The following CHST15 variants were observed in gnomAD, a reference collection of about 807,000 sequenced individuals.
CHST15 encodes the protein B cell RAG associated protein (GALNAC4S-6ST).
CHST15 carries 30 observed loss-of-function variants against 53.6 expected under a neutral mutation model. That is an observed-to-expected ratio of 0.56 (90% CI 0.42 to 0.76). The LOEUF (loss-of-function observed/expected upper bound fraction) is 0.76, where lower values mean the gene tolerates loss of function less well. CHST15 is among the 30% of genes least tolerant of loss of function. CHST15 has a pLI of 0.00. For missense variants in CHST15, 627 were observed against 740.5 expected (o/e 0.85, Z 1.78); for synonymous variants, 296 against 289.8 (o/e 1.02, Z -0.22).
At position 124,052,634 on chromosome 10, in the gene CHST15, G is replaced by C. The variant is rs557747959; in HGVS notation, c.-512-5910C>G. Reference sequence around the variant, plus strand: ...TTTGATCTTGAACAAGATATTAAACGTCTCTTCTCCCCATTTCTTTGGATA... The same window carrying C: ...TTTGATCTTGAACAAGATATTAAACCTCTCTTCTCCCCATTTCTTTGGATA... On this transcript the variant is annotated intron_variant, in intron 1 of 7. Coordinates refer to ENST00000435907, the MANE Select transcript of CHST15 (RefSeq NM_001270764.2). 4.6e-5 allele frequency among the ~76,000 whole-genome samples: 7 copies of C among 152,324 alleles called. No individual in the cohort carries two copies. The South Asian group carries it at 1.4e-3, about 32-fold the overall frequency.
At chr10:124,022,357 C>T (rs1217510868) in intron 5 of CHST15, among the ~76,000 whole-genome samples, 4 of 152,194 alleles carry the variant, frequency 2.6e-5, no homozygotes, top group Non-Finnish European at 1.5e-5. Flanking sequence ...GTCAGACGTC[C>T]CCTTTGCTTT....
rs530929779 is a variant in CHST15 at position 124,066,173 on chromosome 10, T to A, written c.-512-19449A>T. Among the ~76,000 whole-genome samples the A allele has an allele frequency of 1.6e-4, 24 of 152,188 alleles. No individual in the cohort carries two copies. In the South Asian group the frequency reaches 4.8e-3, roughly 30 times the overall value. ...TAATCAATTTGAGAGATTCACTGGG[T>A]TTTATGGGAGGACTAGATTTGGGGG... On this transcript the variant is annotated intron_variant, in intron 1 of 7. Transcript: ENST00000435907.
rs1040083709 is a variant in CHST15, at chr10:124,072,025, C to A, written c.-513+21444G>T. ...TTCCTCCATTCCTCTCCTTACCCAG[C>A]CTCTCATCAAAAGGGTCTGGGAAGT... On this transcript the variant is annotated intron_variant, in intron 1 of 7. Transcript: ENST00000435907. Among the ~76,000 whole-genome samples the A allele has an allele frequency of 3.9e-5, 6 of 152,280 alleles. No homozygotes were observed. In the South Asian group the frequency reaches 1.0e-3, roughly 26 times the overall value.
At chr10:124,084,345 A>C (rs1427605677) in intron 1 of CHST15, among the ~76,000 whole-genome samples, 1 of 152,180 alleles carries the variant, frequency 6.6e-6, no homozygotes, top group Non-Finnish European at 1.5e-5. Context: ...GCCCACCTGC[A>C]TTCGGTCCTC....
chr10:124,018,030 C>T (rs1946645892), intron 6 of CHST15, among the ~76,000 whole-genome samples: 3 of 152,266 alleles, frequency 2.0e-5, no homozygotes, highest in Admixed American at 2.0e-4. Context: ...ATCCCTCCCT[C>T]AGTCAGGGTG....
intron 1 of CHST15, among the ~76,000 whole-genome samples, chr10:124,088,267 A>G (rs751060552): frequency 3.3e-5 from 5 of 152,214 alleles, no homozygotes; most frequent in Non-Finnish European, 7.3e-5. Context: ...GCCAAGCCCC[A>G]TAAGGTGCCT....
intron 1 of CHST15, among the ~76,000 whole-genome samples, chr10:124,066,871 T>G (rs1948765030): frequency 6.6e-6 from 1 of 152,248 alleles, no homozygotes; most frequent in South Asian, 2.1e-4. Context: ...CACAGCTTTC[T>G]GAGATGAAGC....
Position 124,019,832 on chromosome 10 carries a change from G to A in CHST15, c.1347+1424C>T, listed in dbSNP as rs781041121. ...CAGGTGGTGCGGCCCCATGTGCCAC[G>A]CACCCAAGCCCCCTGCCTCAGTGCC... On this transcript the variant is annotated intron_variant, in intron 6 of 7. Transcript: ENST00000435907. This position sits in a 1 kb window ranked among gnomAD's most constrained non-coding sequence, Gnocchi z 4.6. 41 of 985,496 alleles carry A rather than the reference G, an allele frequency of 4.2e-5. No homozygotes were observed. The highest frequency in any genetic ancestry group is 6.2e-5 in the Admixed American group (1 of 16,248). 61.0% of individuals were successfully genotyped at this position (985,496 alleles called of 1,614,324 possible). A position where few individuals can be genotyped will look rare whatever the true frequency, so the allele number is the denominator to read the frequency against.
chr10:124,042,143 G>A (rs945694475), intron 4 of CHST15, among the ~76,000 whole-genome samples, 158 bp downstream of exon 4: 1 of 152,218 alleles, frequency 6.6e-6, no homozygotes, highest in Non-Finnish European at 1.5e-5. Context: ...TTATGTAGTG[G>A]TAAGAGTGAC....
chr10:124,022,388 T>C (rs1263159633), intron 5 of CHST15, among the ~76,000 whole-genome samples: 1 of 152,138 alleles, frequency 6.6e-6, no homozygotes, highest in African/African-American at 2.4e-5. Flanking sequence ...GGAAAGTCAC[T>C]CTGAAATGAA....
chr10:124,062,592 A>G (rs1363883601), intron 1 of CHST15, among the ~76,000 whole-genome samples: 2 of 152,000 alleles, frequency 1.3e-5, no homozygotes, highest in Non-Finnish European at 2.9e-5. Flanking sequence ...GCCAACTCCA[A>G]CTGCTCAACA....
At chr10:124,062,654 C>T (rs996963115) in intron 1 of CHST15, among the ~76,000 whole-genome samples, 4 of 152,102 alleles carry the variant, frequency 2.6e-5, no homozygotes, top group Non-Finnish European at 4.4e-5. Context: ...TCCTCCCTCC[C>T]GTTTCTGCAA....
Position 124,008,365 on chromosome 10 carries a change from A to G in CHST15, c.*1784T>C. 2 of 1,027,788 alleles carry G rather than the reference A, an allele frequency of 1.9e-6. No individual in the cohort carries two copies. Among genetic ancestry groups the G allele is most frequent in the Middle Eastern group, 4.6e-4 (1 of 2,164 alleles). The allele number at this position is 1,027,788 out of a possible 1,614,324, so 63.7% of individuals were successfully genotyped here. A position where few individuals can be genotyped will look rare whatever the true frequency, so the allele number is the denominator to read the frequency against. ...CGCGTACACACACACACACGCGCGC[A>G]CTGTACTGCAAATAAATATACACAC... On this transcript the variant is annotated 3_prime_UTR_variant, in exon 8 of 8. Transcript: ENST00000435907.
intron 1 of CHST15, among the ~76,000 whole-genome samples, chr10:124,075,717 C>G (rs1311879364): frequency 6.6e-5 from 10 of 152,176 alleles, no homozygotes; most frequent in African/African-American, 1.9e-4. Context: ...TTGGTTAGAA[C>G]CTCCCCTGTC....
Position 124,084,512 on chromosome 10 carries a change from C to A in CHST15, c.-513+8957G>T, listed in dbSNP as rs970398548. On this transcript the variant is annotated intron_variant, in intron 1 of 7. Transcript: ENST00000435907. The stretch of plus-strand genomic sequence containing the variant: ...AGCTCCTGCTGCCCATCAAGCCCCC[C>A]ACTACCGAGAACAGGCCGAGGCCAG... Among the ~76,000 whole-genome samples, 4 of 152,164 alleles carry A rather than the reference C, an allele frequency of 2.6e-5. No individual in the cohort carries two copies. The South Asian group carries it at 6.2e-4, about 24-fold the overall frequency.
chr10:124,011,041 G>T, intron 7 of CHST15: 1 of 983,440 alleles, frequency 1.0e-6, no homozygotes. Context: ...CCCGCCCTCT[G>T]GAGTGAGGAG....
intron 7 of CHST15, chr10:124,011,707 C>T: frequency 2.0e-6 from 2 of 985,412 alleles, no homozygotes; most frequent in Non-Finnish European, 1.2e-6. Flanking sequence ...TCTCAGGCCC[C>T]TGGGGGGGCT....
intron 1 of CHST15, among the ~76,000 whole-genome samples, chr10:124,060,135 GC>G (rs910037106): frequency 6.7e-6 from 1 of 149,650 alleles, no homozygotes; most frequent in Non-Finnish European, 1.5e-5. Context: ...AGGTGTGCCA[GC>G]CCCCATTCAG....
chr10:124,058,634 G>A (rs1437881652), intron 1 of CHST15, among the ~76,000 whole-genome samples: 2 of 152,208 alleles, frequency 1.3e-5, no homozygotes, highest in Non-Finnish European at 2.9e-5. Flanking sequence ...TCAGCCCACC[G>A]GCCACCCGTC....
Sources: gnomAD v4.1 joint callset for allele counts (sites outside exome capture counted in the v4.1 genomes callset) on GRCh38, gnomAD v4.1.1 for gene constraint, Gnocchi (gnomAD v3.1) non-coding constraint, MANE v1.5 for transcripts, NCBI Gene and HGNC (gene_info 2026-07-23, HGNC 2026-07-21) for gene names.